Variants in RBFOX1 observed in about 807,000 individuals in gnomAD.
RBFOX1 encodes the protein RNA binding fox-1 homolog 1.
RBFOX1 carries 8 observed loss-of-function variants against 57.7 expected under a neutral mutation model. The ratio of observed to expected loss-of-function variants is 0.14; its 90% CI spans 0.08 to 0.25. The LOEUF (loss-of-function observed/expected upper bound fraction) is 0.25. Among genes scored for constraint, RBFOX1 ranks in the 10% least tolerant of loss-of-function variants. RBFOX1 has a pLI of 1.00. For missense variants in RBFOX1, 611 were observed against 548.5 expected (o/e 1.11, Z -1.14); for synonymous variants, 326 against 222.4 (o/e 1.47, Z -4.15).
chr16:7,415,452 C>T (rs2098469246), intron 4 of RBFOX1, among the ~76,000 whole-genome samples: 1 of 152,148 alleles, frequency 6.6e-6, no homozygotes, highest in South Asian at 2.1e-4. Context: ...AATTTCCCAG[C>T]AATGAGTAAC....
chr16:6,712,437 T>C (rs905488234), intron 3 of RBFOX1, among the ~76,000 whole-genome samples: 1 of 152,176 alleles, frequency 6.6e-6, no homozygotes, highest in Non-Finnish European at 1.5e-5. Context: ...AGAGTTTTAC[T>C]GTGTACCATC....
chr16:7,300,174 G>C (rs1304179190), intron 4 of RBFOX1, among the ~76,000 whole-genome samples: 1 of 152,050 alleles, frequency 6.6e-6, no homozygotes, highest in Non-Finnish European at 1.5e-5. Context: ...ACCATCTATT[G>C]TACTGTACTT....
At chr16:5,833,892 A>G (rs1161968237) in intron 3 of RBFOX1, among the ~76,000 whole-genome samples, 1 of 152,194 alleles carries the variant, frequency 6.6e-6, no homozygotes, top group East Asian at 1.9e-4. Context: ...TCGTGCATAT[A>G]CTACTCTCCC....
At chr16:7,145,479 T>G (rs1744985411) in intron 4 of RBFOX1, among the ~76,000 whole-genome samples, 1 of 152,204 alleles carries the variant, frequency 6.6e-6, no homozygotes, top group East Asian at 1.9e-4. Flanking sequence ...AGTGCTGAGA[T>G]GAGAGGCGTG....
chr16:6,935,115 C>T (rs918918631), intron 3 of RBFOX1, among the ~76,000 whole-genome samples: 9 of 151,932 alleles, frequency 5.9e-5, no homozygotes, highest in African/African-American at 2.2e-4. Flanking sequence ...AAAGAAAAAA[C>T]AGCTTATTTA....
chr16:7,601,465 C>G (rs956709854), intron 9 of RBFOX1, among the ~76,000 whole-genome samples: 4 of 151,994 alleles, frequency 2.6e-5, no homozygotes, highest in Admixed American at 6.6e-5. Flanking sequence ...AGTTGAATTC[C>G]CTGAGAGATA....
intron 14 of RBFOX1, among the ~76,000 whole-genome samples, chr16:7,704,106 A>G (rs1188024312): frequency 1.3e-5 from 2 of 152,204 alleles, no homozygotes; most frequent in African/African-American, 4.8e-5. Context: ...CTCAGAGAGC[A>G]TGCTCTGTCC....
chr16:5,794,960 C>G (rs1289396024), intron 3 of RBFOX1, among the ~76,000 whole-genome samples: 1 of 152,326 alleles, frequency 6.6e-6, no homozygotes, highest in African/African-American at 2.4e-5. Flanking sequence ...CCACTCTCAT[C>G]TCACTGGGTC....
intron 1 of RBFOX1, among the ~76,000 whole-genome samples, chr16:6,283,145 A>G (rs1244350331): frequency 1.3e-5 from 2 of 152,114 alleles, no homozygotes; most frequent in African/African-American, 4.8e-5. Flanking sequence ...TGGGTAACAT[A>G]GTGAGACTCT....
intron 3 of RBFOX1, among the ~76,000 whole-genome samples, chr16:6,735,995 T>TG (rs372727255): frequency 1 from 151,723 of 151,726 alleles, 75,860 homozygotes; most frequent in Non-Finnish European, 1. Context: ...TGCTCAAGGG[T>TG]AATTAACTTC....
intron 1 of RBFOX1, among the ~76,000 whole-genome samples, chr16:5,240,744 T>G (rs1475767919): frequency 6.6e-6 from 1 of 152,174 alleles, no homozygotes; most frequent in African/African-American, 2.4e-5. Context: ...CCCTGTGAGC[T>G]CCCGGTGTCC....
rs373373982 is a variant in RBFOX1 at position 5,583,897 on chromosome 16, G to A, written c.259-15005G>A. Among the ~76,000 whole-genome samples, 35 of 152,326 alleles carry A rather than the reference G, an allele frequency of 2.3e-4. No homozygotes were observed. The South Asian group carries it at 3.9e-3, about 17-fold the overall frequency. ...AGCCCATGGCCTGAACCTCTGCCAT[G>A]TAGAGTTTGTCTGGTGGTGCCATCT... On this transcript the variant is annotated intron_variant, in intron 2 of 2. Coordinates refer to the RBFOX1 transcript ENST00000585867.
intron 3 of RBFOX1, among the ~76,000 whole-genome samples, chr16:5,639,912 A>G (rs912630097): frequency 2.6e-5 from 4 of 152,190 alleles, no homozygotes; most frequent in Admixed American, 6.5e-5. Flanking sequence ...AGCATGAAAC[A>G]TTGTGCTAAC....
intron 1 of RBFOX1, among the ~76,000 whole-genome samples, chr16:6,294,526 G>T (rs2077851306): frequency 2.0e-5 from 3 of 152,192 alleles, no homozygotes. Flanking sequence ...CAGAGTTTCT[G>T]TGAAACAGGT....
chr16:7,011,813 C>A (rs2093667118), intron 3 of RBFOX1, among the ~76,000 whole-genome samples: 1 of 152,148 alleles, frequency 6.6e-6, no homozygotes, highest in South Asian at 2.1e-4. Flanking sequence ...CGCACCGTGC[C>A]CCAAGTTGTT....
chr16:6,865,006 T>TC (rs1567620525), intron 3 of RBFOX1, among the ~76,000 whole-genome samples: 3 of 141,820 alleles, frequency 2.1e-5, no homozygotes, highest in Non-Finnish European at 4.5e-5. Context: ...TTTTTTTTTT[T>TC]TTTTTTTTTT....
intron 1 of RBFOX1, among the ~76,000 whole-genome samples, chr16:6,210,924 T>C (rs1377219795): frequency 2.0e-5 from 3 of 152,094 alleles, no homozygotes; most frequent in African/African-American, 7.2e-5. Context: ...AGGTCTTTTT[T>C]TGTGTTTTCT....
Position 7,692,617 on chromosome 16 carries a change from T to G in RBFOX1, c.995+15779T>G, listed in dbSNP as rs192049292. ...CAGACGATCTTATTTGTAGACGAATTAGTACCTCTGAATTAGAACACATAA... is the reference window on the plus strand; with the variant it reads ...CAGACGATCTTATTTGTAGACGAATGAGTACCTCTGAATTAGAACACATAA... On this transcript the variant is annotated intron_variant, in intron 14 of 15. Transcript: ENST00000550418. Among the ~76,000 whole-genome samples the G allele has an allele frequency of 5.9e-3, 906 of 152,318 alleles. 5 individuals are homozygous for G. The highest frequency in any genetic ancestry group is 0.011 in the Non-Finnish European group (723 of 68,018).
chr16:6,127,894 C>T (rs936501818), intron 1 of RBFOX1, among the ~76,000 whole-genome samples: 5 of 151,976 alleles, frequency 3.3e-5, no homozygotes, highest in Non-Finnish European at 5.9e-5. Context: ...TGAGCATTTT[C>T]TCACTTCAGA....
Sources: allele counts gnomAD v4.1 joint callset (sites outside exome capture counted in the v4.1 genomes callset), GRCh38; gene constraint gnomAD v4.1.1; transcripts MANE v1.5; gene names NCBI Gene and HGNC (gene_info 2026-07-23, HGNC 2026-07-21).